Variants in MLIP observed in about 807,000 individuals in gnomAD.
The protein encoded by MLIP is muscular LMNA-interacting protein.
MLIP carries 79 observed loss-of-function variants against 84.8 expected under a neutral mutation model. The observed-to-expected ratio is 0.93, with a 90% CI of 0.78 to 1.12. The LOEUF (loss-of-function observed/expected upper bound fraction) is 1.12. MLIP is among the 50% of genes most tolerant of loss of function. The pLI, the probability that MLIP is intolerant of heterozygous loss-of-function variation, is 0.00. For missense variants in MLIP, 1,257 were observed against 1,160.6 expected (o/e 1.08, Z -1.21); for synonymous variants, 504 against 463.0 (o/e 1.09, Z -1.14).
At chr6:54,206,275 C>T (rs951599060) in intron 11 of MLIP, among the ~76,000 whole-genome samples, 6 of 152,004 alleles carry the variant, frequency 3.9e-5, no homozygotes, top group African/African-American at 1.4e-4. Context: ...TAAAAATCCT[C>T]TCTTTATAAA....
At chr6:54,145,493 C>T (rs1772710265) in intron 4 of MLIP, among the ~76,000 whole-genome samples, 1 of 151,872 alleles carries the variant, frequency 6.6e-6, no homozygotes, top group African/African-American at 2.4e-5. Flanking sequence ...ATTTCTTGGC[C>T]AGGCATGGTG....
At chr6:54,155,399 AG>A (rs1773915291) in intron 5 of MLIP, among the ~76,000 whole-genome samples, 1 of 152,138 alleles carries the variant, frequency 6.6e-6, no homozygotes, top group Admixed American at 6.6e-5. Flanking sequence ...AGGAGAATTT[AG>A]GCTATACATA....
chr6:54,111,666 C>A, intron 1 of MLIP, 91 bp downstream of exon 1: 1 of 1,283,004 alleles, frequency 7.8e-7, no homozygotes, highest in Non-Finnish European at 1.1e-6. Context: ...TGAGGGAGAG[C>A]TGCCCAGTGA....
chr6:54,088,301 G>A lies in MLIP; in HGVS notation c.64-33146G>A, dbSNP rs1481065177. Among the ~76,000 whole-genome samples the A allele has an allele frequency of 2.0e-5, 3 of 152,034 alleles. No homozygotes were observed. In the East Asian group the frequency reaches 5.8e-4, roughly 29 times the overall value. On this transcript the variant is annotated intron_variant, in intron 1 of 12. Transcript: ENST00000274897. ...GTCTGGCCTAAGTGGGAGCACCAAT[G>A]GATAAATCAAGGCATACAAATATAG...
rs541463415 is a variant in MLIP at position 54,054,147 on chromosome 6, TA to T, written c.63+35061del. 7.9e-5 allele frequency among the ~76,000 whole-genome samples: 12 copies of T among 152,280 alleles called. No individual in the cohort carries two copies. In the South Asian group the frequency reaches 2.3e-3, roughly 29 times the overall value. On this transcript the variant is annotated intron_variant, in intron 1 of 12. Transcript: ENST00000274897. ...GTGGTGAAAGTTCTTAGCAACCCAT[TA>T]AAAAGGCTCTCTTGCTGAAAGACTC...
chr6:54,049,815 G>A (rs775183600), intron 1 of MLIP, among the ~76,000 whole-genome samples: 1 of 152,120 alleles, frequency 6.6e-6, no homozygotes, highest in Non-Finnish European at 1.5e-5. Context: ...TCATTAAATA[G>A]TTTTGGAATG....
At chr6:54,046,704 A>T (rs1441875215) in intron 1 of MLIP, 3 of 152,216 alleles carry the variant, frequency 2.0e-5, no homozygotes, top group African/African-American at 7.2e-5. Context: ...ACAGAAGAAT[A>T]AACCCTGGCT....
At chr6:54,152,939 C>T (rs1582298710) in intron 5 of MLIP, among the ~76,000 whole-genome samples, 1 of 151,846 alleles carries the variant, frequency 6.6e-6, no homozygotes, top group South Asian at 2.1e-4. Context: ...AATATTTTTC[C>T]ATGAAAATAT....
chr6:54,264,574 A>G (rs1278573807), intron 13 of MLIP, among the ~76,000 whole-genome samples: 1 of 152,126 alleles, frequency 6.6e-6, no homozygotes. Context: ...TATAAAATAC[A>G]TGGCACTTAA....
At chr6:54,110,339 C>CTAGA (rs1769362339), upstream of MLIP, among the ~76,000 whole-genome samples, 1 of 152,004 alleles carries the variant, frequency 6.6e-6, no homozygotes, top group Non-Finnish European at 1.5e-5. Context: ...TATTTGTTTA[C>CTAGA]CTGTTTTATA....
chr6:54,019,109 G>T, intron 1 of MLIP: 6 of 1,611,050 alleles, frequency 3.7e-6, no homozygotes, highest in Non-Finnish European at 5.1e-6. Context: ...ATGAGATTTA[G>T]CACACACAGA....
intron 12 of MLIP, among the ~76,000 whole-genome samples, chr6:54,236,670 G>C (rs991862061): frequency 1.5e-4 from 23 of 151,246 alleles, no homozygotes; most frequent in Middle Eastern, 3.2e-3. Context: ...ATCTCTGTGT[G>C]TTTTGTTGGT....
At chr6:54,260,777 T>G (rs965725259) in intron 13 of MLIP, among the ~76,000 whole-genome samples, 3 of 152,028 alleles carry the variant, frequency 2.0e-5, no homozygotes, top group Non-Finnish European at 4.4e-5. Context: ...TTAGTAAAAT[T>G]TAATACTTTA....
Position 54,136,946 on chromosome 6 carries a change from A to T in MLIP, c.877A>T (p.Thr293Ser). The change falls in exon 4 of 14, where the codon ACC (threonine) becomes TCC (serine). Residue 293 changes from threonine (T) to serine (S), a missense_variant. Coordinates refer to ENST00000502396, the MANE Select transcript of MLIP (RefSeq NM_001281747.2). ...HSTPFSASKG[T>S]SSTLLFPHST... is the part of the protein sequence containing the mutation. Reference sequence around the variant, plus strand: ...TACACCCTTTTCTGCATCGAAGGGCACCTCCTCGACGTTACTGTTTCCCCA... The same window carrying T: ...TACACCCTTTTCTGCATCGAAGGGCTCCTCCTCGACGTTACTGTTTCCCCA... The T allele has an allele frequency of 1.3e-6, 2 of 1,535,678 alleles. No individual in the cohort carries two copies. The highest frequency in any genetic ancestry group is 8.7e-7 in the Non-Finnish European group (1 of 1,146,802).
intron 1 of MLIP, among the ~76,000 whole-genome samples, chr6:54,026,731 G>GTT (rs906298866): frequency 6.6e-6 from 1 of 151,940 alleles, no homozygotes; most frequent in African/African-American, 2.4e-5. Flanking sequence ...GTGTGTGTGT[G>GTT]TGTGTGTGTG....
chr6:54,137,522 G>T lies in MLIP; in HGVS notation c.1453G>T (p.Glu485Ter), dbSNP rs780144711. The T allele has an allele frequency of 6.5e-7, 1 of 1,536,094 alleles. No individual in the cohort carries two copies. The highest frequency in any genetic ancestry group is 1.2e-5 in the South Asian group (1 of 84,066). The change falls in exon 4 of 14, where the codon GAA becomes TAA. Residue 485 changes from glutamate to a stop codon, truncating the protein, a stop_gained. Coordinates refer to ENST00000502396, the MANE Select transcript of MLIP (RefSeq NM_001281747.2). LOFTEE classifies it high-confidence loss of function. ...AGATCAAGGGGAACTCCAGGTTTCTGAATTGACCCAGCAATCTTTTCACCT... is the reference window on the plus strand; with the variant it reads ...AGATCAAGGGGAACTCCAGGTTTCTTAATTGACCCAGCAATCTTTTCACCT... ...SPDQGELQVS[E>*]LTQQSFHLPV...
chr6:54,092,711 T>C (rs969106666), intron 1 of MLIP, among the ~76,000 whole-genome samples: 2 of 152,076 alleles, frequency 1.3e-5, no homozygotes, highest in East Asian at 1.9e-4. Context: ...AATATTAAAA[T>C]GGTTTATTTA....
At chr6:54,154,876 A>G (rs1432438134) in intron 5 of MLIP, among the ~76,000 whole-genome samples, 1 of 152,122 alleles carries the variant, frequency 6.6e-6, no homozygotes, top group Non-Finnish European at 1.5e-5. Flanking sequence ...AGATGAGGCA[A>G]ATTACAGTGA....
intron 5 of MLIP, among the ~76,000 whole-genome samples, chr6:54,152,382 A>G (rs895004555): frequency 2.6e-5 from 4 of 152,120 alleles, no homozygotes; most frequent in African/African-American, 9.7e-5. Context: ...TATAACTGAG[A>G]CCGGAAGAAA....
Sources: allele counts gnomAD v4.1 joint callset (sites outside exome capture counted in the v4.1 genomes callset), GRCh38; gene constraint gnomAD v4.1.1; transcripts MANE v1.5; gene names NCBI Gene and HGNC (gene_info 2026-07-23, HGNC 2026-07-21).